DIAPH2: variants seen among roughly 807,000 people sequenced by gnomAD.
DIAPH2 encodes the protein protein diaphanous homolog 2.
A neutral mutation model predicts 92.7 loss-of-function variants in DIAPH2; 35 were observed. That is an observed-to-expected ratio of 0.38 (90% CI 0.29 to 0.50). DIAPH2 has a LOEUF of 0.50. Ranked by LOEUF, DIAPH2 falls within the 20% of genes least tolerant of loss-of-function variation. The pLI is 0.94. For missense variants in DIAPH2, 701 were observed against 819.5 expected, an observed-to-expected ratio of 0.86 and a Z score of 1.77; for synonymous variants, 301 against 280.4, an observed-to-expected ratio of 1.07 and a Z score of -0.73.
Position 96,684,912 on chromosome X carries a change from C to T in DIAPH2, c.-147C>T. 1 of 735,360 alleles carries T rather than the reference C, an allele frequency of 1.4e-6. No individual in the cohort carries two copies. Among genetic ancestry groups the T allele is most frequent in the Non-Finnish European group, 1.8e-6 (1 of 568,679 alleles). The allele number at this position is 735,360 out of a possible 1,213,427, so 60.6% of individuals were successfully genotyped here. On this transcript the variant is annotated 5_prime_UTR_variant, in exon 1 of 27. Transcript: ENST00000324765. Reference sequence around the variant, plus strand: ...CCTGGGAGCCTGGAGTCCCGGGGGCCTGAAATCGGCAGCTTCCCGGGCAGA... The same window carrying T: ...CCTGGGAGCCTGGAGTCCCGGGGGCTTGAAATCGGCAGCTTCCCGGGCAGA...
intron 4 of DIAPH2, among the ~76,000 whole-genome samples, chrX:96,797,104 C>T (rs1004327891): frequency 9.0e-6 from 1 of 111,187 alleles, no homozygotes; most frequent in Admixed American, 9.6e-5. Flanking sequence ...TGACAGATTT[C>T]TCTTTTTTTT....
At chrX:97,194,165 T>C (rs1009666242) in intron 22 of DIAPH2, among the ~76,000 whole-genome samples, 1 of 111,495 alleles carries the variant, frequency 9.0e-6, no homozygotes, top group African/African-American at 3.3e-5. Context: ...GCTCCATATC[T>C]CTGCTCTACG....
intron 24 of DIAPH2, among the ~76,000 whole-genome samples, chrX:97,369,043 G>A (rs1228076085): frequency 9.2e-6 from 1 of 108,876 alleles, no homozygotes; most frequent in African/African-American, 3.3e-5. Flanking sequence ...GAGCAGCTGG[G>A]ATTACAGGCA....
At chrX:97,168,758 A>G (rs1289030915) in intron 22 of DIAPH2, among the ~76,000 whole-genome samples, 2 of 112,099 alleles carry the variant, frequency 1.8e-5, no homozygotes, top group Non-Finnish European at 3.8e-5. Context: ...GCTGCAGATC[A>G]GGGTGCCAGC....
intron 22 of DIAPH2, among the ~76,000 whole-genome samples, chrX:97,160,306 A>G (rs1050252147): frequency 7.2e-5 from 8 of 111,826 alleles, no homozygotes; most frequent in African/African-American, 2.3e-4. Context: ...AATGTCTGAG[A>G]TTTTATCTAT....
intron 26 of DIAPH2, among the ~76,000 whole-genome samples, chrX:97,598,564 C>G (rs1430247599): frequency 8.9e-6 from 1 of 111,784 alleles, no homozygotes; most frequent in African/African-American, 3.3e-5. Flanking sequence ...GAGCTGTAAA[C>G]CTTTTCCCTA....
At chrX:97,587,958 A>G (rs1271139649) in intron 26 of DIAPH2, among the ~76,000 whole-genome samples, 1 of 112,035 alleles carries the variant, frequency 8.9e-6, no homozygotes, top group African/African-American at 3.2e-5. Context: ...ATGTGAACCC[A>G]TATGTATGGC....
intron 23 of DIAPH2, among the ~76,000 whole-genome samples, chrX:97,295,734 C>CT (rs35900263): frequency 0.42 from 41,301 of 98,153 alleles, 8,476 homozygotes; most frequent in Non-Finnish European, 0.58. Flanking sequence ...GTATTTTCTT[C>CT]TTTTTTTTTT....
intron 26 of DIAPH2, among the ~76,000 whole-genome samples, chrX:97,467,562 A>G (rs753051153): frequency 1.8e-5 from 2 of 111,980 alleles, no homozygotes; most frequent in Non-Finnish European, 3.8e-5. Context: ...CATCTTCCCT[A>G]TTGTACATTT....
At chrX:96,809,324 T>TA (rs772520530) in intron 4 of DIAPH2, among the ~76,000 whole-genome samples, 16 of 97,884 alleles carry the variant, frequency 1.6e-4, no homozygotes, top group South Asian at 9.8e-4. Flanking sequence ...TGGCGGTCTT[T>TA]AAAAAAAAAA....
intron 25 of DIAPH2, among the ~76,000 whole-genome samples, chrX:97,406,665 G>A (rs1312353999): frequency 1.8e-5 from 2 of 111,735 alleles, no homozygotes; most frequent in African/African-American, 3.2e-5. Flanking sequence ...AAAATCACCA[G>A]CTGCCGTAGA....
At chrX:97,479,703 T>C (rs1008216281) in intron 26 of DIAPH2, among the ~76,000 whole-genome samples, 3 of 111,727 alleles carry the variant, frequency 2.7e-5, no homozygotes, top group Non-Finnish European at 5.6e-5. Context: ...CATTCTATGC[T>C]GTGAAACCTC....
At chrX:97,561,349 A>G (rs954976070) in intron 26 of DIAPH2, among the ~76,000 whole-genome samples, 2 of 112,501 alleles carry the variant, frequency 1.8e-5, no homozygotes, top group African/African-American at 6.5e-5. Flanking sequence ...ACTGTGATGC[A>G]TTTAAAAATG....
chrX:97,101,527 G>A (rs1040860555), intron 20 of DIAPH2, among the ~76,000 whole-genome samples: 1 of 110,414 alleles, frequency 9.1e-6, no homozygotes, highest in East Asian at 2.8e-4. Context: ...GGTGGGGGGC[G>A]GAAAGTCAAG....
chrX:97,563,889 A>G (rs1025990999), intron 26 of DIAPH2, among the ~76,000 whole-genome samples: 4 of 111,448 alleles, frequency 3.6e-5, no homozygotes, highest in Non-Finnish European at 5.7e-5. Flanking sequence ...CACTCTGCAG[A>G]TCAGTCTCAG....
intron 17 of DIAPH2, among the ~76,000 whole-genome samples, chrX:97,026,867 G>C (rs1750057144): frequency 8.9e-6 from 1 of 112,104 alleles, no homozygotes; most frequent in African/African-American, 3.2e-5. Flanking sequence ...AAGTATCAAT[G>C]GCATTGTTGA....
At chrX:97,256,047 T>G (rs771249021) in intron 23 of DIAPH2, among the ~76,000 whole-genome samples, 1 of 112,287 alleles carries the variant, frequency 8.9e-6, no homozygotes, top group East Asian at 2.8e-4. Flanking sequence ...TTTCAGAACA[T>G]AAAACGGAAC....
intron 21 of DIAPH2, among the ~76,000 whole-genome samples, chrX:97,126,781 A>C (rs2147391440): frequency 8.9e-6 from 1 of 112,739 alleles, no homozygotes; most frequent in African/African-American, 3.2e-5. Context: ...ACTTCTTTGG[A>C]AAGGAAGGAA....
At chrX:96,940,567 G>A (rs1396739447) in intron 12 of DIAPH2, among the ~76,000 whole-genome samples, 1 of 111,673 alleles carries the variant, frequency 9.0e-6, no homozygotes, top group Non-Finnish European at 1.9e-5. Flanking sequence ...GCTACCATGA[G>A]GTCAGCACAG....
Sources: gnomAD v4.1 joint callset for allele counts (sites outside exome capture counted in the v4.1 genomes callset) on GRCh38, gnomAD v4.1.1 for gene constraint, MANE v1.5 for transcripts, NCBI Gene and HGNC (gene_info 2026-07-23, HGNC 2026-07-21) for gene names.